PDCD11: variants seen among roughly 807,000 people sequenced by gnomAD.
PDCD11 encodes the protein programmed cell death 11.
Under a neutral mutation model 198.9 loss-of-function variants are expected in PDCD11, and 97 were observed. That is an observed-to-expected ratio of 0.49 (90% CI 0.41 to 0.58). The LOEUF is 0.58. Among genes scored for constraint, PDCD11 ranks in the 20% least tolerant of loss-of-function variants. The probability of loss-of-function intolerance (pLI) is 0.00; values close to 1 mark genes in which losing one functional copy is unlikely to be tolerated. For missense variants in PDCD11, 2,102 were observed against 2,312.7 expected (o/e 0.91, Z 1.87); for synonymous variants, 893 against 918.0 (o/e 0.97, Z 0.49).
chr10:103,435,464 GCTGGAGTGCAGTGGCGTGAGACAGAGT>G (rs1221175308), intron 25 of PDCD11, among the ~76,000 whole-genome samples: 2 of 151,964 alleles, frequency 1.3e-5, no homozygotes, highest in African/African-American at 2.4e-5. Context: ...ACAGAGTCTG[GCTGGAGTGCAGTGGCGTGAGACAGAGT>G]CTGGAGTGCA....
intron 31 of PDCD11, 21 bp from the exon 32 acceptor site, chr10:103,442,192 T>C: frequency 2.5e-6 from 4 of 1,612,516 alleles, no homozygotes; most frequent in South Asian, 2.2e-5. Flanking sequence ...TGACTCACGG[T>C]GTTTCTGCTT....
rs1453047163 is a variant in PDCD11, at chr10:103,398,333, T to G, written c.-11-83T>G. ...GTTGTCTAGCATATTGCTGGAACGT[T>G]CTGTCTCTTGCCCGTTGATAACACC... On this transcript the variant is annotated intron_variant, in intron 1 of 35. Coordinates refer to ENST00000369797, the MANE Select transcript of PDCD11 (RefSeq NM_014976.2). 4 of 827,884 alleles carry G rather than the reference T, an allele frequency of 4.8e-6. No individual in the cohort carries two copies. In the African/African-American group the frequency reaches 5.0e-5, roughly 10 times the overall value. The allele number at this position is 827,884 out of a possible 1,614,324, so 51.3% of individuals were successfully genotyped here.
At chr10:103,405,222 C>G in intron 5 of PDCD11, 39 bp downstream of exon 5, 2 of 1,603,082 alleles carry the variant, frequency 1.2e-6, no homozygotes, top group South Asian at 2.2e-5. Context: ...TGGCAATGTG[C>G]CTTCTCTCTG....
intron 4 of PDCD11, among the ~76,000 whole-genome samples, chr10:103,403,629 C>G (rs2030252112): frequency 1.3e-5 from 2 of 152,174 alleles, no homozygotes; most frequent in Non-Finnish European, 1.5e-5. Flanking sequence ...AGGGCACATG[C>G]AGCCTTGTAG....
In PDCD11 at chr10:103,425,488, G is replaced by A. The variant is rs1396946909; in HGVS notation, c.3268G>A (p.Ala1090Thr). ...GCTGAAGGTTGGGAAGACGGTCACTGCCCGAGTGATTGGCGGGCGAGACAT... is the reference window on the plus strand; with the variant it reads ...GCTGAAGGTTGGGAAGACGGTCACTACCCGAGTGATTGGCGGGCGAGACAT... Reference protein sequence around the residue: ...TKLKVGKTVTARVIGGRDMKT... With the variant: ...TKLKVGKTVTTRVIGGRDMKT... The change falls in exon 20 of 36, where the codon GCC becomes ACC. Residue 1090 changes from alanine (A) to threonine (T), a missense_variant. Coordinates refer to ENST00000369797, the MANE Select transcript of PDCD11 (RefSeq NM_014976.2). The A allele has an allele frequency of 3.1e-6, 5 of 1,611,818 alleles. No individual in the cohort carries two copies. Among genetic ancestry groups the A allele is most frequent in the South Asian group, 1.1e-5 (1 of 91,062 alleles).
chr10:103,418,567 A>G lies in PDCD11; in HGVS notation c.2039A>G (p.His680Arg), dbSNP rs532164251. Residue 680 changes from histidine (H) to arginine (R), a missense_variant, in exon 15 of 36, where the codon CAT becomes CGT. Coordinates refer to ENST00000369797, the MANE Select transcript of PDCD11 (RefSeq NM_014976.2). ...CACGTTGCCAACGGCCCATTGTTAC[A>G]TCATTGGCTCCAGGCAGGTGACATC... is the stretch of plus-strand genomic sequence containing the variant. ...SDHVANGPLL[H>R]HWLQAGDILH... The G allele has an allele frequency of 1.2e-6, 2 of 1,614,082 alleles. No individual in the cohort carries two copies. The highest frequency in any genetic ancestry group is 2.7e-5 in the African/African-American group (2 of 74,994).
intron 7 of PDCD11, among the ~76,000 whole-genome samples, 156 bp from the exon 8 acceptor site, chr10:103,409,543 A>G (rs1038506450): frequency 6.6e-6 from 1 of 152,176 alleles, no homozygotes; most frequent in Non-Finnish European, 1.5e-5. Context: ...TCTGCCAGTT[A>G]TTTGTATAGG....
Position 103,443,927 on chromosome 10 carries a change from C to T in PDCD11, c.5137C>T (p.Leu1713Phe), listed in dbSNP as rs1404279311. The T allele has an allele frequency of 6.2e-7, 1 of 1,614,156 alleles. No homozygotes were observed. Among genetic ancestry groups the T allele is most frequent in the East Asian group, 2.2e-5 (1 of 44,880 alleles). The change falls in exon 34 of 36, where the codon CTC becomes TTC. Residue 1713 changes from leucine (L) to phenylalanine (F), a missense_variant. Physicochemically the swap from Leu to Phe is conservative, Grantham distance 22 (BLOSUM62 0). Coordinates refer to ENST00000369797, the MANE Select transcript of PDCD11 (RefSeq NM_014976.2). ...KSEKFQEAGE[L>F]YNRMLKRFRQ... ...TCTTTTCCCACAGGAAGCTGGTGAA[C>T]TCTACAACCGGATGCTGAAGCGTTT...
rs1469919460 is a variant in PDCD11 at position 103,417,826 on chromosome 10, C to G, written c.1805C>G (p.Ser602Cys). ...VKVVVLNCEP[S>C]KERMLLSFKL... is the part of the protein sequence containing the mutation. Reference sequence around the variant, plus strand: ...GTTGTCGTATTGAACTGTGAGCCATCCAAAGAGAGGATGCTCTTATCCTTC... The same window carrying G: ...GTTGTCGTATTGAACTGTGAGCCATGCAAAGAGAGGATGCTCTTATCCTTC... Residue 602 changes from serine (S) to cysteine (C), a missense_variant, in exon 14 of 36, where the codon TCC becomes TGC. Physicochemically the swap from Ser to Cys is moderately radical, Grantham distance 112. Coordinates refer to ENST00000369797, the MANE Select transcript of PDCD11 (RefSeq NM_014976.2). The G allele has an allele frequency of 1.2e-6, 2 of 1,614,128 alleles. No homozygotes were observed.
intron 27 of PDCD11, 52 bp downstream of exon 27, chr10:103,438,860 G>A (rs1418455512): frequency 1.9e-6 from 3 of 1,602,414 alleles, no homozygotes; most frequent in Admixed American, 3.3e-5. Flanking sequence ...CTGAGCCTGT[G>A]TTGCTCTGGG....
intron 28 of PDCD11, 57 bp from the exon 29 acceptor site, chr10:103,440,233 C>G: frequency 6.5e-7 from 1 of 1,548,994 alleles, no homozygotes; most frequent in Non-Finnish European, 8.7e-7. Flanking sequence ...CCTGGGCCGC[C>G]TGTGGTGCCC....
chr10:103,439,723 G>C, intron 27 of PDCD11, 23 bp from the exon 28 acceptor site: 4 of 1,614,152 alleles, frequency 2.5e-6, no homozygotes, highest in Non-Finnish European at 3.4e-6. Flanking sequence ...GTGACCACAG[G>C]ACTCTTGCCT....
At chr10:103,438,616 G>A in intron 26 of PDCD11, 70 bp from the exon 27 acceptor site, 1 of 1,588,474 alleles carries the variant, frequency 6.3e-7, no homozygotes, top group Non-Finnish European at 8.6e-7. Flanking sequence ...TATGATGGTT[G>A]CAGGTGTATT....
rs776123902 is a variant in PDCD11, at chr10:103,440,840, T to A, written c.4547T>A (p.Val1516Glu). 130 of 1,610,660 alleles carry A rather than the reference T, an allele frequency of 8.1e-5. 1 individual carries two copies. The South Asian group carries it at 1.3e-3, about 16-fold the overall frequency. ...AAAGAGGAGGCAGAAGAGACGAATG[T>A]GCTGCCCAAGGTGAGGGTGACGTCG... The part of the protein sequence containing the change: ...EGKEEAEETN[V>E]LPKEKQTKPA... Residue 1516 changes from valine (V) to glutamate (E), a missense_variant, in exon 30 of 36, where the codon GTG becomes GAG. Val to Glu is a moderately radical substitution (Grantham distance 121). Transcript: ENST00000369797.
At position 103,415,113 on chromosome 10, in the gene PDCD11, GAGA is replaced by G. The variant is rs763827025; in HGVS notation, c.1486_1488del (p.Lys496del). The G allele has an allele frequency of 5.0e-6, 8 of 1,614,060 alleles. No individual in the cohort carries two copies. Among genetic ancestry groups the G allele is most frequent in the South Asian group, 1.1e-5 (1 of 91,084 alleles). ...GGCTGACATCCTGATGAAGAATCCG[GAGA>G]AGAAGTACCACATCGGGGATGAGGT... On this transcript the variant is annotated inframe_deletion, in exon 12 of 36. Transcript: ENST00000369797.
At position 103,445,573 on chromosome 10, in the gene PDCD11, C is replaced by CGACA; in HGVS notation, c.*24_*25insGACA. 6.2e-7 allele frequency: 1 copy of CGACA among 1,608,038 alleles called. No individual in the cohort carries two copies. Among genetic ancestry groups the CGACA allele is most frequent in the South Asian group, 1.1e-5 (1 of 90,716 alleles). The stretch of plus-strand genomic sequence containing the variant: ...AGTGGCAGGCTGGCTCTGTGGGACA[C>CGACA]TGTCAACAATGGGCCAGCCCGGCCC... On this transcript the variant is annotated 3_prime_UTR_variant, in exon 36 of 36. Coordinates refer to ENST00000369797, the MANE Select transcript of PDCD11 (RefSeq NM_014976.2).
chr10:103,405,249 G>T lies in PDCD11; in HGVS notation c.564+66G>T, dbSNP rs147126143. ...TTCTCTCTGCCTCTGAGGGAGCGTG[G>T]TCTAGGCCACCTTTTACTTTCAGCT... is the stretch of plus-strand genomic sequence containing the variant. On this transcript the variant is annotated intron_variant, in intron 5 of 35. Coordinates refer to ENST00000369797, the MANE Select transcript of PDCD11 (RefSeq NM_014976.2). 2.8e-5 allele frequency: 42 copies of T among 1,512,486 alleles called. No individual in the cohort carries two copies. In the African/African-American group the frequency reaches 4.5e-4, roughly 16 times the overall value. 93.7% of individuals were successfully genotyped at this position (1,512,486 alleles called of 1,614,324 possible).
rs188421204 is a variant in PDCD11, at chr10:103,440,536, G to A, written c.4395G>A (p.Ala1465=). The A allele has an allele frequency of 4.1e-5, 66 of 1,613,084 alleles. No homozygotes were observed. Among genetic ancestry groups the A allele is most frequent in the East Asian group, 2.9e-4 (13 of 44,886 alleles). Residue 1465 remains alanine (A), a synonymous_variant, in exon 29 of 36, where the codon GCG becomes GCA. Coordinates refer to ENST00000369797, the MANE Select transcript of PDCD11 (RefSeq NM_014976.2). ...KEKQQPQKPQ[A]QKRGGRECRE... is the part of the protein sequence containing the mutation. ...AGCAACAGCCCCAGAAGCCACAGGC[G>A]CAGAAGCGGGGCGGGCGGGAGTGCC...
intron 15 of PDCD11, among the ~76,000 whole-genome samples, chr10:103,419,079 A>T (rs1234731205): frequency 6.6e-6 from 1 of 151,810 alleles, no homozygotes; most frequent in Non-Finnish European, 1.5e-5. Context: ...GGAGCTTCTC[A>T]CAGAATGTAA....
Sources: allele counts gnomAD v4.1 joint callset (sites outside exome capture counted in the v4.1 genomes callset), GRCh38; gene constraint gnomAD v4.1.1; transcripts MANE v1.5; gene names NCBI Gene and HGNC (gene_info 2026-07-23, HGNC 2026-07-21).